Variants in TULP4 observed in about 807,000 individuals in gnomAD.
The protein encoded by TULP4 is TUB like protein 4.
A neutral mutation model predicts 129.0 loss-of-function variants in TULP4; 16 were observed. That is an observed-to-expected ratio of 0.12 (90% CI 0.08 to 0.19). The LOEUF is 0.19. Among genes scored for constraint, TULP4 ranks in the 10% least tolerant of loss-of-function variants. The pLI is 1.00. For missense variants in TULP4, 1,842 were observed against 2,059.1 expected, an observed-to-expected ratio of 0.89 and a Z score of 2.04; for synonymous variants, 998 against 854.0, an observed-to-expected ratio of 1.17 and a Z score of -2.94.
At chr6:158,478,240 A>C (rs679786) in intron 6 of TULP4, among the ~76,000 whole-genome samples, 135,141 of 152,204 alleles carry the variant, frequency 0.89, 60,087 homozygotes, top group South Asian at 0.94. Flanking sequence ...ACCCCTGAAC[A>C]TAAAAGTTAG....
intron 1 of TULP4, among the ~76,000 whole-genome samples, chr6:158,407,826 A>G (rs1778002756): frequency 6.6e-6 from 1 of 152,198 alleles, no homozygotes; most frequent in African/African-American, 2.4e-5. Context: ...CTGGAGGGAA[A>G]TATTGTGGGG....
intron 1 of TULP4, among the ~76,000 whole-genome samples, chr6:158,337,791 AT>A (rs11422123): frequency 2.7e-5 from 4 of 149,188 alleles, no homozygotes; most frequent in African/African-American, 4.9e-5. Flanking sequence ...TGAATGTTTG[AT>A]TTTTTTTTTT....
At chr6:158,449,220 A>AGGAAGGGCATCGGAGCAGAGT in intron 4 of TULP4, 44 bp downstream of exon 4, 1 of 1,578,240 alleles carries the variant, frequency 6.3e-7, no homozygotes, top group Non-Finnish European at 8.6e-7. Context: ...CAGAAGGACA[A>AGGAAGGGCATCGGAGCAGAGT]GGAAGGGCAT....
At chr6:158,274,187 G>T (rs930727709) in intron 1 of TULP4, among the ~76,000 whole-genome samples, 3 of 152,092 alleles carry the variant, frequency 2.0e-5, no homozygotes, top group Admixed American at 2.0e-4. Context: ...GAACCCGGGA[G>T]GTGGAGGTTG....
chr6:158,493,749 C>T lies in TULP4; in HGVS notation c.1776+32C>T. 6.6e-7 allele frequency: 1 copy of T among 1,511,382 alleles called. No individual in the cohort carries two copies. The highest frequency in any genetic ancestry group is 1.3e-5 in the South Asian group (1 of 75,800). 93.6% of individuals were successfully genotyped at this position (1,511,382 alleles called of 1,614,324 possible). On this transcript the variant is annotated intron_variant, in intron 10 of 13. Transcript: ENST00000367097. This position sits in a 1 kb window ranked among gnomAD's most constrained non-coding sequence, Gnocchi z 4.4. Reference sequence around the variant, plus strand: ...GCCCCCAGTTACCCTGCCTTGCTCCCCTCCTCCTGGGGGCTATGCCCAGAG... The same window carrying T: ...GCCCCCAGTTACCCTGCCTTGCTCCTCTCCTCCTGGGGGCTATGCCCAGAG...
chr6:158,375,174 C>G (rs561081110), intron 1 of TULP4, among the ~76,000 whole-genome samples: 1 of 152,114 alleles, frequency 6.6e-6, no homozygotes, highest in South Asian at 2.1e-4. Flanking sequence ...ACCCAAGAGG[C>G]AGAGGTTGCA....
chr6:158,280,355 C>G (rs1186556208), upstream of TULP4, among the ~76,000 whole-genome samples: 1 of 152,064 alleles, frequency 6.6e-6, no homozygotes, highest in Non-Finnish European at 1.5e-5. Flanking sequence ...ATTACCTTTT[C>G]CTCCCTGGTT....
chr6:158,247,768 C>G (rs529655820), intron 1 of TULP4, among the ~76,000 whole-genome samples: 10 of 152,288 alleles, frequency 6.6e-5, no homozygotes, highest in African/African-American at 2.2e-4. Flanking sequence ...ATCATTGTTA[C>G]GAACAGCTAT....
chr6:158,237,228 A>G (rs911691150), intron 1 of TULP4: 33 of 770,614 alleles, frequency 4.3e-5, no homozygotes, highest in Middle Eastern at 2.3e-4. Flanking sequence ...TTATGAAAAT[A>G]TGGAGATGAA....
intron 6 of TULP4, among the ~76,000 whole-genome samples, chr6:158,478,764 T>C (rs913622546): frequency 2.0e-5 from 3 of 152,234 alleles, no homozygotes; most frequent in Non-Finnish European, 4.4e-5. Context: ...CCTTCACCTT[T>C]CTTTCTCCCT....
chr6:158,339,677 T>C (rs965380775), intron 1 of TULP4, among the ~76,000 whole-genome samples: 1 of 152,210 alleles, frequency 6.6e-6, no homozygotes, highest in African/African-American at 2.4e-5. Context: ...AAGAGAAATA[T>C]GGCTCTGTCC....
At chr6:158,366,589 G>A (rs564845087) in intron 1 of TULP4, among the ~76,000 whole-genome samples, 1 of 152,320 alleles carries the variant, frequency 6.6e-6, no homozygotes, top group Admixed American at 6.5e-5. Context: ...CCTAACTGGG[G>A]TGTGCCTTTG....
At chr6:158,240,843 G>A (rs1297782576) in intron 1 of TULP4, among the ~76,000 whole-genome samples, 1 of 150,604 alleles carries the variant, frequency 6.6e-6, no homozygotes, top group African/African-American at 2.4e-5. Context: ...CTGGGCGGGG[G>A]GGCTGACCCC....
At chr6:158,361,119 C>G (rs563537308) in intron 1 of TULP4, among the ~76,000 whole-genome samples, 2 of 152,210 alleles carry the variant, frequency 1.3e-5, no homozygotes, top group African/African-American at 4.8e-5. Flanking sequence ...TCACAATATA[C>G]TTAAAGTTGA....
At position 158,501,996 on chromosome 6, in the gene TULP4, C is replaced by A; in HGVS notation, c.2333C>A (p.Pro778Gln). ...QNPPPLSLPP[P>Q]PQGPMQLSTV... ...CCCCCTCCACTGTCCCTGCCTCCCC[C>A]GCCGCAGGGGCCCATGCAGCTGTCC... The change falls in exon 13 of 14, where the codon CCG becomes CAG. Residue 778 changes from proline to glutamine, a missense_variant. Physicochemically the swap from Pro to Gln is moderately conservative, Grantham distance 76 (BLOSUM62 -1). Coordinates refer to ENST00000367097, the MANE Select transcript of TULP4 (RefSeq NM_020245.5). The A allele has an allele frequency of 1.2e-6, 2 of 1,613,854 alleles. No homozygotes were observed. The highest frequency in any genetic ancestry group is 1.7e-6 in the Non-Finnish European group (2 of 1,179,948).
At chr6:158,479,420 A>G (rs1156742060) in intron 6 of TULP4, among the ~76,000 whole-genome samples, 1 of 152,038 alleles carries the variant, frequency 6.6e-6, no homozygotes, top group Non-Finnish European at 1.5e-5. Flanking sequence ...GGACCTAATT[A>G]CTTTTATTTT....
intron 2 of TULP4, among the ~76,000 whole-genome samples, chr6:158,423,089 C>T (rs1361339893): frequency 1.5e-5 from 2 of 134,538 alleles, no homozygotes; most frequent in African/African-American, 5.3e-5. Flanking sequence ...CCTGCCTGGG[C>T]AATACAGCAA....
chr6:158,278,276 T>C (rs908774119), upstream of TULP4, among the ~76,000 whole-genome samples: 1 of 152,198 alleles, frequency 6.6e-6, no homozygotes, highest in Admixed American at 6.5e-5. Flanking sequence ...ATGAGCTGTA[T>C]TGACAATACA....
At chr6:158,383,831 A>G (rs548914001) in intron 1 of TULP4, among the ~76,000 whole-genome samples, 1 of 152,376 alleles carries the variant, frequency 6.6e-6, no homozygotes, top group African/African-American at 2.4e-5. Context: ...TTGCGATTAA[A>G]TGATGACTTT....
Sources: allele counts gnomAD v4.1 joint callset (sites outside exome capture counted in the v4.1 genomes callset), GRCh38; gene constraint gnomAD v4.1.1; non-coding constraint Gnocchi (gnomAD v3.1); transcripts MANE v1.5; gene names NCBI Gene and HGNC (gene_info 2026-07-23, HGNC 2026-07-21).